The following DCAF5 variants were observed in gnomAD, a reference collection of about 807,000 sequenced individuals.
DCAF5 encodes DDB1 and CUL4 associated factor 5.
A neutral mutation model predicts 80.7 loss-of-function variants in DCAF5; 9 were observed. The observed-to-expected ratio is 0.11, with a 90% CI of 0.07 to 0.19. DCAF5 has a LOEUF of 0.19. DCAF5 is among the 10% of genes least tolerant of loss of function. The probability of loss-of-function intolerance (pLI) is 1.00; values close to 1 mark genes in which losing one functional copy is unlikely to be tolerated. For missense variants in DCAF5, 842 were observed against 1,205.7 expected (o/e 0.70, Z 4.47); for synonymous variants, 433 against 461.9 (o/e 0.94, Z 0.80).
chr14:69,123,059 C>T (rs1013929964), intron 1 of DCAF5, among the ~76,000 whole-genome samples: 20 of 152,158 alleles, frequency 1.3e-4, no homozygotes, highest in African/African-American at 4.3e-4. Flanking sequence ...CAAACCATAG[C>T]AAGCTCTACA....
Position 69,067,337 on chromosome 14 carries a change from C to CTTT in DCAF5, c.947-4829_947-4827dup, listed in dbSNP as rs58620965. Among the ~76,000 whole-genome samples, 705 of 115,036 alleles carry CTTT rather than the reference C, an allele frequency of 6.1e-3. 23 individuals are homozygous for CTTT. Among genetic ancestry groups the CTTT allele is most frequent in the African/African-American group, 0.018 (529 of 28,722 alleles). 75.5% of individuals were successfully genotyped at this position (115,036 alleles called of 152,430 possible). On this transcript the variant is annotated intron_variant, in intron 7 of 8. Transcript: ENST00000341516. ...CATCTTCCTGCAGCCGATTTCGTAT[C>CTTT]TTTTTTTTTTTTTTTTTTTTTTTTG...
rs183483002 is a variant in DCAF5 at position 69,136,170 on chromosome 14, C to T, written c.215-13810G>A. Among the ~76,000 whole-genome samples, 262 of 138,376 alleles carry T rather than the reference C, an allele frequency of 1.9e-3. 1 individual carries two copies. Among genetic ancestry groups the T allele is most frequent in the Non-Finnish European group, 3.4e-3 (226 of 66,498 alleles). 90.8% of individuals were successfully genotyped at this position (138,376 alleles called of 152,430 possible). ...CTACTCTGTCACCCAGGCTGGAGTG[C>T]AGTGGGGCAGTCATAGCTCACTGCA... On this transcript the variant is annotated intron_variant, in intron 1 of 8. Coordinates refer to ENST00000341516, the MANE Select transcript of DCAF5 (RefSeq NM_003861.3).
intron 4 of DCAF5, among the ~76,000 whole-genome samples, chr14:69,116,825 A>G (rs1190177260): frequency 1.3e-5 from 2 of 152,224 alleles, no homozygotes; most frequent in African/African-American, 4.8e-5. Flanking sequence ...TGAATTCCAC[A>G]TGAGCTGAAA....
intron 7 of DCAF5, 26 bp from the exon 8 acceptor site, chr14:69,062,537 T>C: frequency 6.2e-7 from 1 of 1,608,640 alleles, no homozygotes; most frequent in Non-Finnish European, 8.5e-7. Context: ...GAAACAAAAA[T>C]CAGATGATGA....
intron 2 of DCAF5, among the ~76,000 whole-genome samples, chr14:69,121,968 GAA>G (rs900371408): frequency 2.6e-5 from 4 of 152,158 alleles, no homozygotes; most frequent in African/African-American, 7.2e-5. Flanking sequence ...ACTGCAATGT[GAA>G]AAGTTTTCTG....
chr14:69,120,446 A>G (rs545804109), intron 2 of DCAF5, among the ~76,000 whole-genome samples: 1 of 152,218 alleles, frequency 6.6e-6, no homozygotes, highest in African/African-American at 2.4e-5. Flanking sequence ...TGTGATTCCA[A>G]ATGATGTGAA....
chr14:69,112,832 A>G (rs2040418447), intron 5 of DCAF5, among the ~76,000 whole-genome samples: 1 of 152,180 alleles, frequency 6.6e-6, no homozygotes, highest in East Asian at 1.9e-4. Flanking sequence ...AACTTATTCA[A>G]GATCACATGC....
At chr14:69,064,210 CAG>C (rs1240088836) in intron 7 of DCAF5, among the ~76,000 whole-genome samples, 1 of 152,176 alleles carries the variant, frequency 6.6e-6, no homozygotes, top group Non-Finnish European at 1.5e-5. Flanking sequence ...GTTGTCTTGA[CAG>C]AGAGATCCTA....
At chr14:69,121,575 T>G (rs1403140041) in intron 2 of DCAF5, among the ~76,000 whole-genome samples, 11 of 152,164 alleles carry the variant, frequency 7.2e-5, no homozygotes, top group Admixed American at 7.2e-4. Flanking sequence ...AAGAAGAAAT[T>G]TTCACTCAGG....
intron 1 of DCAF5, 145 bp from the exon 2 acceptor site, chr14:69,122,505 T>G (rs2040752993): frequency 1.4e-6 from 1 of 722,758 alleles, no homozygotes; most frequent in East Asian, 2.7e-5. Context: ...AACCCAGGAC[T>G]CTCCCTGCTT....
intron 1 of DCAF5, among the ~76,000 whole-genome samples, chr14:69,136,148 C>T (rs1034347516): frequency 7.7e-6 from 1 of 129,418 alleles, no homozygotes; most frequent in African/African-American, 2.9e-5. Context: ...CAGGGTCCTA[C>T]TCTGTCACCC....
chr14:69,124,382 T>C (rs2040814903), intron 1 of DCAF5, among the ~76,000 whole-genome samples: 1 of 152,198 alleles, frequency 6.6e-6, no homozygotes, highest in African/African-American at 2.4e-5. Flanking sequence ...TGCTTGACTT[T>C]TTGCCACAGC....
intron 1 of DCAF5, among the ~76,000 whole-genome samples, chr14:69,141,139 T>TAAAAAAAAAAAAAAAA (rs11396838): frequency 1.7e-5 from 1 of 59,380 alleles, no homozygotes; most frequent in African/African-American, 5.4e-5. Flanking sequence ...ATCTCAAATT[T>TAAAAAAAAAAAAAAAA]AAAAAAAAAA....
intron 6 of DCAF5, chr14:69,084,661 T>A: frequency 8.8e-7 from 1 of 1,130,010 alleles, no homozygotes; most frequent in South Asian, 1.3e-5. Context: ...AAAAGAAGCT[T>A]ATGGCCTTCT....
chr14:69,101,135 A>C (rs8008184), intron 5 of DCAF5, among the ~76,000 whole-genome samples: 46,316 of 152,064 alleles, frequency 0.3, 9,415 homozygotes, highest in East Asian at 0.91. Flanking sequence ...ACAATCAAGC[A>C]GCCGAAATAG....
chr14:69,137,172 C>T (rs1326454602), intron 1 of DCAF5, among the ~76,000 whole-genome samples: 2 of 152,086 alleles, frequency 1.3e-5, no homozygotes, highest in African/African-American at 4.8e-5. Flanking sequence ...AGGCAATTTT[C>T]CATAGTAAAG....
intron 5 of DCAF5, among the ~76,000 whole-genome samples, chr14:69,094,685 A>C (rs115616423): frequency 6.5e-4 from 99 of 152,330 alleles, no homozygotes; most frequent in African/African-American, 2.3e-3. Flanking sequence ...TTTGCCGGGA[A>C]GGCAAAGCTT....
At position 69,053,344 on chromosome 14, in the gene DCAF5, T is replaced by A. The variant is rs997219090; in HGVS notation, c.*513A>T. ...GCTGAAGGCCTGTTTCCATTCTCCA[T>A]TCTTCCAGCATAAATCTACAACTCA... On this transcript the variant is annotated 3_prime_UTR_variant, in exon 9 of 9. Coordinates refer to ENST00000341516, the MANE Select transcript of DCAF5 (RefSeq NM_003861.3). 6.5e-6 allele frequency: 1 copy of A among 152,782 alleles called. No homozygotes were observed. Among genetic ancestry groups the A allele is most frequent in the South Asian group, 2.1e-4 (1 of 4,872 alleles). 9.5% of individuals were successfully genotyped at this position (152,782 alleles called of 1,614,324 possible).
rs145767871 is a variant in DCAF5 at position 69,084,159 on chromosome 14, G to C, written c.879+7515C>G. On this transcript the variant is annotated intron_variant, in intron 6 of 8. Transcript: ENST00000341516. ...GGGGTCCTTATTCTCTCACCTACTA[G>C]AGAACTAGCCATGCAAACTTTTGGT... The C allele has an allele frequency of 1.9e-5, 17 of 899,226 alleles. No individual in the cohort carries two copies. In the African/African-American group the frequency reaches 2.4e-4, roughly 13 times the overall value. 55.7% of individuals were successfully genotyped at this position (899,226 alleles called of 1,614,324 possible). A position where few individuals can be genotyped will look rare whatever the true frequency, so the allele number is the denominator to read the frequency against.
Sources: gnomAD v4.1 joint callset for allele counts (sites outside exome capture counted in the v4.1 genomes callset) on GRCh38, gnomAD v4.1.1 for gene constraint, MANE v1.5 for transcripts, NCBI Gene and HGNC (gene_info 2026-07-23, HGNC 2026-07-21) for gene names.